KAZN: variants seen among roughly 807,000 people sequenced by gnomAD.
KAZN encodes kazrin, periplakin interacting protein, also known as kazrin.
Under a neutral mutation model 87.4 loss-of-function variants are expected in KAZN, and 40 were observed. The ratio of observed to expected loss-of-function variants is 0.46; its 90% CI spans 0.36 to 0.60. The LOEUF is 0.60. Ranked by LOEUF, KAZN falls within the 20% of genes least tolerant of loss-of-function variation. The probability of loss-of-function intolerance (pLI) is 0.00; values close to 1 mark genes in which losing one functional copy is unlikely to be tolerated. For synonymous variants in KAZN, 466 were observed against 458.3 expected (o/e 1.02, Z -0.22); for missense variants, 898 against 1,073.9 (o/e 0.84, Z 2.29).
At chr1:14,749,816 A>G (rs1425269300) in intron 1 of KAZN, among the ~76,000 whole-genome samples, 3 of 152,096 alleles carry the variant, frequency 2.0e-5, no homozygotes, top group South Asian at 2.1e-4. Context: ...TGGGAGTCGT[A>G]TCACCTCTCT....
intron 1 of KAZN, among the ~76,000 whole-genome samples, chr1:14,792,024 T>TC (rs34130531): frequency 0.05 from 7,622 of 152,124 alleles, 474 homozygotes; most frequent in Admixed American, 0.19. Flanking sequence ...CTTTTCATGT[T>TC]CCCCCTGCTT....
intron 1 of KAZN, among the ~76,000 whole-genome samples, chr1:13,898,548 A>G (rs1046359480): frequency 1.3e-5 from 2 of 152,240 alleles, no homozygotes; most frequent in African/African-American, 2.4e-5. Context: ...CTGACGCTGC[A>G]TGAATCCAGG....
intron 2 of KAZN, among the ~76,000 whole-genome samples, chr1:14,536,262 A>G (rs1356739734): frequency 2.0e-5 from 3 of 152,124 alleles, no homozygotes; most frequent in Non-Finnish European, 4.4e-5. Context: ...TCTGACTCTC[A>G]TTTCCCTACG....
intron 1 of KAZN, among the ~76,000 whole-genome samples, chr1:14,885,311 C>T (rs976538124): frequency 6.6e-6 from 1 of 152,038 alleles, no homozygotes; most frequent in African/African-American, 2.4e-5. Context: ...AATCTCCCAG[C>T]TCCTTCTGCC....
At position 14,010,915 on chromosome 1, in the gene KAZN, C is replaced by A. The variant is rs186099300; in HGVS notation, c.91+117159C>A. Among the ~76,000 whole-genome samples the A allele has an allele frequency of 1.6e-4, 24 of 152,320 alleles. No individual in the cohort carries two copies. The East Asian group carries it at 4.4e-3, about 28-fold the overall frequency. On this transcript the variant is annotated intron_variant, in intron 1 of 16. Transcript: ENST00000636203. ...AACTCTTTGCCAATGGCAGAAACTA[C>A]CCTGTGATTCTCACAGCCTTTAGCC...
chr1:14,635,439 C>A (rs1232284680), intron 1 of KAZN, among the ~76,000 whole-genome samples: 1 of 152,158 alleles, frequency 6.6e-6, no homozygotes, highest in East Asian at 1.9e-4. Context: ...CCCCTCATAC[C>A]CTATGAGAGG....
chr1:14,578,493 A>T (rs777489136), intron 2 of KAZN, among the ~76,000 whole-genome samples: 6 of 152,184 alleles, frequency 3.9e-5, no homozygotes, highest in Non-Finnish European at 8.8e-5. Context: ...AGAAAAATTT[A>T]CATAAACCCT....
chr1:14,892,537 C>T (rs1012805306), intron 1 of KAZN, among the ~76,000 whole-genome samples: 2 of 152,084 alleles, frequency 1.3e-5, no homozygotes, highest in Non-Finnish European at 2.9e-5. Flanking sequence ...CCCATGGGAG[C>T]CCACCCCACA....
intron 1 of KAZN, among the ~76,000 whole-genome samples, chr1:14,934,199 GT>G (rs1660180217): frequency 6.8e-6 from 1 of 148,100 alleles, no homozygotes; most frequent in Non-Finnish European, 1.5e-5. Context: ...GTTTTTGTCA[GT>G]TTTCTTTTCT....
At chr1:14,209,021 G>T (rs886641267) in intron 2 of KAZN, among the ~76,000 whole-genome samples, 1 of 152,182 alleles carries the variant, frequency 6.6e-6, no homozygotes, top group Non-Finnish European at 1.5e-5. Context: ...TAGAGAACAT[G>T]TTGCTATGCA....
chr1:14,972,594 C>T (rs921390071), intron 2 of KAZN, among the ~76,000 whole-genome samples: 1 of 151,898 alleles, frequency 6.6e-6, no homozygotes, highest in Non-Finnish European at 1.5e-5. Flanking sequence ...CAGCTCACTG[C>T]AACCCTGCCT....
intron 1 of KAZN, among the ~76,000 whole-genome samples, chr1:14,844,249 T>C (rs1176762954): frequency 6.6e-6 from 1 of 152,208 alleles, no homozygotes; most frequent in Non-Finnish European, 1.5e-5. Flanking sequence ...TCACTTCTAT[T>C]TTCCACCTTT....
intron 2 of KAZN, among the ~76,000 whole-genome samples, chr1:14,981,620 CG>C (rs1442472983): frequency 6.6e-6 from 1 of 152,210 alleles, no homozygotes; most frequent in Admixed American, 6.5e-5. Context: ...TCCAGGTTGC[CG>C]GAGCCCTGCG....
At chr1:14,226,430 A>C (rs1209930348) in intron 2 of KAZN, among the ~76,000 whole-genome samples, 3 of 152,240 alleles carry the variant, frequency 2.0e-5, no homozygotes, top group South Asian at 2.1e-4. Context: ...AAACAAAAAA[A>C]CAGATTCTGG....
chr1:14,381,646 CAA>C (rs112997672), intron 2 of KAZN, among the ~76,000 whole-genome samples: 1 of 151,956 alleles, frequency 6.6e-6, no homozygotes, highest in African/African-American at 2.4e-5. Flanking sequence ...TAAAAACCCT[CAA>C]AAAACTAGGT....
rs539647035 is a variant in KAZN, at chr1:15,048,626, T to C, written c.726+4467T>C. 2.2e-3 allele frequency among the ~76,000 whole-genome samples: 317 copies of C among 146,162 alleles called. 4 individuals are homozygous for C. Among genetic ancestry groups the C allele is most frequent in the African/African-American group, 8.1e-3 (303 of 37,390 alleles). On this transcript the variant is annotated intron_variant, in intron 4 of 14. Coordinates refer to ENST00000376030, the MANE Select transcript of KAZN (RefSeq NM_201628.3). ...GTCCTGGGTCGCTGGTCCTGGGTCG[T>C]CGGTCCTGGGTCGTCGGTCCTGGGT...
chr1:14,081,654 G>T (rs1225850838), intron 1 of KAZN, among the ~76,000 whole-genome samples: 1 of 152,108 alleles, frequency 6.6e-6, no homozygotes, highest in Non-Finnish European at 1.5e-5. Flanking sequence ...TTGTCTGAAG[G>T]TCTGTGGCCA....
At chr1:14,554,664 G>C (rs1046118349) in intron 2 of KAZN, among the ~76,000 whole-genome samples, 6 of 152,154 alleles carry the variant, frequency 3.9e-5, no homozygotes, top group African/African-American at 1.4e-4. Context: ...TATTAATCCG[G>C]TACTTGACAT....
At chr1:14,989,345 G>A (rs1348986687) in intron 2 of KAZN, among the ~76,000 whole-genome samples, 1 of 152,144 alleles carries the variant, frequency 6.6e-6, no homozygotes, top group Non-Finnish European at 1.5e-5. Flanking sequence ...GTTTGGTGGT[G>A]CACACCTGAA....
Sources: gnomAD v4.1 joint callset for allele counts (sites outside exome capture counted in the v4.1 genomes callset) on GRCh38, gnomAD v4.1.1 for gene constraint, MANE v1.5 for transcripts, NCBI Gene and HGNC (gene_info 2026-07-23, HGNC 2026-07-21) for gene names.